Variants in SEC31B observed in about 807,000 individuals in gnomAD.
SEC31B encodes the protein protein transport protein Sec31B.
Under a neutral mutation model 135.0 loss-of-function variants are expected in SEC31B, and 113 were observed. The observed-to-expected ratio is 0.84, with a 90% CI of 0.72 to 0.98. The LOEUF is 0.98. Ranked by LOEUF, SEC31B falls within the 50% of genes least tolerant of loss-of-function variation. The probability of loss-of-function intolerance (pLI) is 0.00; values close to 1 mark genes in which losing one functional copy is unlikely to be tolerated. For synonymous variants in SEC31B, 508 were observed against 549.4 expected, an observed-to-expected ratio of 0.92 and a Z score of 1.05; for missense variants, 1,296 against 1,421.1, an observed-to-expected ratio of 0.91 and a Z score of 1.42.
At chr10:100,489,932 G>C in intron 21 of SEC31B, 76 bp downstream of exon 21, 1 of 1,530,600 alleles carries the variant, frequency 6.5e-7, no homozygotes, top group South Asian at 1.3e-5. Flanking sequence ...TCTGACTTGA[G>C]GAAAGACTCC....
At chr10:100,500,301 T>C (rs1851496068) in intron 11 of SEC31B, 5 of 393,038 alleles carry the variant, frequency 1.3e-5, no homozygotes, top group African/African-American at 2.1e-5. Flanking sequence ...AGTAGTCTTG[T>C]GAGTCTAAAT....
At chr10:100,510,141 C>T (rs1851712704) in intron 3 of SEC31B, among the ~76,000 whole-genome samples, 1 of 152,234 alleles carries the variant, frequency 6.6e-6, no homozygotes, top group African/African-American at 2.4e-5. Context: ...AGCCTGAGCT[C>T]TTAACATCAT....
chr10:100,516,395 C>A (rs906329602), intron 2 of SEC31B, among the ~76,000 whole-genome samples, 176 bp from the exon 3 acceptor site: 8 of 152,040 alleles, frequency 5.3e-5, no homozygotes, highest in African/African-American at 1.7e-4. Context: ...CGCCTGTAAT[C>A]CCAACATTTT....
chr10:100,504,873 GT>G (rs1851595284), intron 10 of SEC31B, among the ~76,000 whole-genome samples: 1 of 152,168 alleles, frequency 6.6e-6, no homozygotes, highest in Middle Eastern at 3.4e-3. Flanking sequence ...ACAGAAAGAA[GT>G]CATATGTAAC....
Position 100,496,415 on chromosome 10 carries a change from A to C in SEC31B, c.2153T>G (p.Val718Gly). The C allele has an allele frequency of 6.2e-7, 1 of 1,614,038 alleles. No individual in the cohort carries two copies. The highest frequency in any genetic ancestry group is 1.1e-5 in the South Asian group (1 of 91,070). Residue 718 changes from valine (V) to glycine (G), a missense_variant, in exon 18 of 26, where the codon GTG (valine) becomes GGG (glycine). Physicochemically the swap from Val to Gly is moderately radical, Grantham distance 109. Coordinates refer to ENST00000370345, the MANE Select transcript of SEC31B (RefSeq NM_015490.4). ...CTCCAAGCTCCTGTTAAGAACCATC[A>C]CCTTCTCCATCAGGTCCTGTAAGGG... ...PMALQDLMEKVMVLNRSLEQL... is the reference protein window; with the variant it reads ...PMALQDLMEKGMVLNRSLEQL...
chr10:100,517,061 T>C, intron 1 of SEC31B, 64 bp from the exon 2 acceptor site: 1 of 780,980 alleles, frequency 1.3e-6, no homozygotes, highest in Non-Finnish European at 2.2e-6. Context: ...CAAGAGTTCT[T>C]GTTTGTCTTT....
chr10:100,501,386 A>T (rs988420381), intron 11 of SEC31B, among the ~76,000 whole-genome samples: 4 of 152,128 alleles, frequency 2.6e-5, no homozygotes, highest in African/African-American at 9.7e-5. Flanking sequence ...CCATTCCTGG[A>T]ACTTGTATCC....
At position 100,489,730 on chromosome 10, in the gene SEC31B, G is replaced by A; in HGVS notation, c.2997C>T (p.Ala999=). The A allele has an allele frequency of 6.2e-7, 1 of 1,614,132 alleles. No homozygotes were observed. The highest frequency in any genetic ancestry group is 1.1e-5 in the South Asian group (1 of 91,086). ...GPQDSWKEAP[A]PRGNLQRNKL... ...TGTTCCTCTGGAGGTTTCCCCTGGG[G>A]GCTGGGGCTTCTTTCCAGGAATCTT... The change falls in exon 22 of 26, where the codon GCC becomes GCT. Residue 999 remains alanine, a synonymous_variant. Coordinates refer to ENST00000370345, the MANE Select transcript of SEC31B (RefSeq NM_015490.4).
At chr10:100,507,862 G>T in intron 6 of SEC31B, 46 bp downstream of exon 6, 1 of 1,613,168 alleles carries the variant, frequency 6.2e-7, no homozygotes, top group Non-Finnish European at 8.5e-7. Flanking sequence ...CTAGGCAGGA[G>T]AGAGAAGCCA....
chr10:100,515,568 T>C (rs1851817466), intron 3 of SEC31B, among the ~76,000 whole-genome samples: 1 of 152,082 alleles, frequency 6.6e-6, no homozygotes, highest in Non-Finnish European at 1.5e-5. Context: ...ATCACTTAGG[T>C]TTATTATGAG....
At position 100,509,528 on chromosome 10, in the gene SEC31B, C is replaced by A; in HGVS notation, c.204-17G>T. 1 of 1,591,734 alleles carries A rather than the reference C, an allele frequency of 6.3e-7. No individual in the cohort carries two copies. The highest frequency in any genetic ancestry group is 8.6e-7 in the Non-Finnish European group (1 of 1,166,766). ...TTGTGAAACCTATAAAGAGGAGGAACTGGCATCAGTACAAACTTAGGTTCA... is the reference window on the plus strand; with the variant it reads ...TTGTGAAACCTATAAAGAGGAGGAAATGGCATCAGTACAAACTTAGGTTCA... On this transcript the variant is annotated splice_polypyrimidine_tract_variant and intron_variant, in intron 3 of 25. Coordinates refer to ENST00000370345, the MANE Select transcript of SEC31B (RefSeq NM_015490.4).
At chr10:100,494,444 T>C (rs1371736135) in intron 19 of SEC31B, among the ~76,000 whole-genome samples, 1 of 152,196 alleles carries the variant, frequency 6.6e-6, no homozygotes, top group African/African-American at 2.4e-5. Context: ...CCCTGTCAAG[T>C]TTAAGTTCTT....
intron 24 of SEC31B, 133 bp from the exon 25 acceptor site, chr10:100,488,231 G>A (rs575848499): frequency 8.5e-5 from 62 of 731,784 alleles, no homozygotes; most frequent in South Asian, 8.3e-4. Context: ...AGGCCAAGGC[G>A]GGTGGATCAT....
rs1851198622 is a variant in SEC31B at position 100,487,215 on chromosome 10, A to T, written c.*401T>A. 1 of 205,318 alleles carries T rather than the reference A, an allele frequency of 4.9e-6. No individual in the cohort carries two copies. The highest frequency in any genetic ancestry group is 2.4e-5 in the African/African-American group (1 of 42,026). The allele number at this position is 205,318 out of a possible 1,614,324, so 12.7% of individuals were successfully genotyped here. The stretch of plus-strand genomic sequence containing the variant: ...TAAGGGCAGGCTCATAAACCACAGA[A>T]GGGAGAAACAAAAGACCCACATGAT... On this transcript the variant is annotated 3_prime_UTR_variant, in exon 26 of 26. Transcript: ENST00000370345.
At chr10:100,509,828 C>T (rs1406774756) in intron 3 of SEC31B, among the ~76,000 whole-genome samples, 1 of 152,104 alleles carries the variant, frequency 6.6e-6, no homozygotes, top group Non-Finnish European at 1.5e-5. Flanking sequence ...ATATATACTT[C>T]AAATAGATTA....
At chr10:100,503,348 TACAATCAGAAACTCTGGG>T (rs1230822055) in intron 10 of SEC31B, among the ~76,000 whole-genome samples, 3 of 151,940 alleles carry the variant, frequency 2.0e-5, no homozygotes, top group Admixed American at 2.0e-4. Context: ...CCCCAGACAA[TACAATCAGAAACTCTGGG>T]GATGGGACTA....
At chr10:100,518,647 C>A (rs550844833) in intron 1 of SEC31B, among the ~76,000 whole-genome samples, 85 of 152,270 alleles carry the variant, frequency 5.6e-4, no homozygotes, top group Non-Finnish European at 1.0e-3. Context: ...AGGTCCCATC[C>A]CAACAGGCTA....
At chr10:100,503,847 C>T (rs1051814341) in intron 10 of SEC31B, among the ~76,000 whole-genome samples, 4 of 151,580 alleles carry the variant, frequency 2.6e-5, no homozygotes, top group South Asian at 4.2e-4. Context: ...GTTTGTTGTA[C>T]AGATTATTTG....
At chr10:100,487,943 G>T in intron 25 of SEC31B, 84 bp downstream of exon 25, 1 of 1,525,104 alleles carries the variant, frequency 6.6e-7, no homozygotes, top group Non-Finnish European at 9.1e-7. Flanking sequence ...TGACACCTAT[G>T]GGAAGAAAAG....
Sources: allele counts gnomAD v4.1 joint callset (sites outside exome capture counted in the v4.1 genomes callset), GRCh38; gene constraint gnomAD v4.1.1; transcripts MANE v1.5; gene names NCBI Gene and HGNC (gene_info 2026-07-23, HGNC 2026-07-21).